Variants in PLS3 observed in about 807,000 individuals in gnomAD.
PLS3 encodes the protein plastin 3.
A neutral mutation model predicts 46.5 loss-of-function variants in PLS3; 11 were observed. The ratio of observed to expected loss-of-function variants is 0.24; its 90% CI spans 0.15 to 0.39. The LOEUF (loss-of-function observed/expected upper bound fraction) is 0.39. PLS3 is among the 10% of genes least tolerant of loss of function. PLS3 has a pLI of 1.00. For synonymous variants in PLS3, 167 were observed against 162.2 expected, an observed-to-expected ratio of 1.03 and a Z score of -0.22; for missense variants, 308 against 461.8, an observed-to-expected ratio of 0.67 and a Z score of 3.05.
intron 1 of PLS3, among the ~76,000 whole-genome samples, chrX:115,580,565 G>A (rs1303222176): frequency 8.9e-6 from 1 of 111,886 alleles, no homozygotes; most frequent in Non-Finnish European, 1.9e-5. Context: ...GATTACTGTA[G>A]CTACATAGTC....
chrX:115,607,201 G>A (rs1031328547), intron 1 of PLS3, among the ~76,000 whole-genome samples: 1 of 110,750 alleles, frequency 9.0e-6, no homozygotes, highest in Non-Finnish European at 1.9e-5. Flanking sequence ...AGTCAAGGTC[G>A]CAGTAAGCCG....
rs782174723 is a variant in PLS3, at chrX:115,585,581, G to A, written c.-9+24321G>A. The stretch of plus-strand genomic sequence containing the variant: ...AATTTTTTGTATTTTTAGTAGAGAC[G>A]GGATTTCACCATGTTGGCCAGGCTG... On this transcript the variant is annotated intron_variant, in intron 1 of 15. Transcript: ENST00000355899. Among the ~76,000 whole-genome samples the A allele has an allele frequency of 5.5e-5, 6 of 110,063 alleles. No individual in the cohort carries two copies. In the East Asian group the frequency reaches 1.2e-3, roughly 21 times the overall value.
At chrX:115,599,377 C>T (rs1271268579) in intron 1 of PLS3, among the ~76,000 whole-genome samples, 1 of 103,512 alleles carries the variant, frequency 9.7e-6, no homozygotes, top group African/African-American at 3.5e-5. Context: ...AAAAATTAGC[C>T]GAGTATGGTG....
chrX:115,564,615 C>T (rs1053167260), intron 1 of PLS3, among the ~76,000 whole-genome samples: 1 of 112,097 alleles, frequency 8.9e-6, no homozygotes. Context: ...TGCCATTATC[C>T]CATATTCTGT....
At chrX:115,578,763 A>G (rs2074264055) in intron 1 of PLS3, among the ~76,000 whole-genome samples, 1 of 110,398 alleles carries the variant, frequency 9.1e-6, no homozygotes, top group Non-Finnish European at 1.9e-5. Context: ...TAATACAAGT[A>G]AATGTTCTTC....
intron 9 of PLS3, among the ~76,000 whole-genome samples, chrX:115,642,877 A>G (rs1403966135): frequency 8.9e-6 from 1 of 111,813 alleles, no homozygotes; most frequent in Non-Finnish European, 1.9e-5. Context: ...AAATTTTAAC[A>G]TAATTCTACT....
Position 115,596,451 on chromosome X carries a change from A to G in PLS3, c.-8-13792A>G, listed in dbSNP as rs1377338923. 1.8e-5 allele frequency among the ~76,000 whole-genome samples: 2 copies of G among 111,782 alleles called. 1 individual carries two copies. Among genetic ancestry groups the G allele is most frequent in the Non-Finnish European group, 3.8e-5 (2 of 53,194 alleles). ...GTGGAGGAGATAGAGAAAGAAATAG[A>G]TGTCATCACGCTGAAAGCTGAAAAG... On this transcript the variant is annotated intron_variant, in intron 1 of 15. Transcript: ENST00000355899.
intron 1 of PLS3, among the ~76,000 whole-genome samples, chrX:115,608,922 A>G (rs2147485501): frequency 9.2e-6 from 1 of 109,052 alleles, no homozygotes; most frequent in Admixed American, 1.0e-4. Flanking sequence ...TTTGCTGTGA[A>G]CCTAAAACTA....
chrX:115,605,063 T>C (rs1010515451), intron 1 of PLS3, among the ~76,000 whole-genome samples: 3 of 112,385 alleles, frequency 2.7e-5, no homozygotes, highest in African/African-American at 6.5e-5. Flanking sequence ...TTATATTTTT[T>C]AGTCTTGGCC....
At chrX:115,648,123 A>C in intron 15 of PLS3, 106 bp downstream of exon 15, 1 of 554,414 alleles carries the variant, frequency 1.8e-6, no homozygotes, top group Non-Finnish European at 3.0e-6. Context: ...CCTTGGGAGA[A>C]ACCTCTTGGA....
intron 1 of PLS3, among the ~76,000 whole-genome samples, chrX:115,577,024 C>T (rs1268225518): frequency 8.9e-6 from 1 of 112,201 alleles, no homozygotes; most frequent in Non-Finnish European, 1.9e-5. Context: ...GTCGCCATCA[C>T]TGGAGACCCA....
intron 3 of PLS3, among the ~76,000 whole-genome samples, chrX:115,627,641 T>C (rs1162212523): frequency 8.9e-6 from 1 of 112,384 alleles, no homozygotes; most frequent in Non-Finnish European, 1.9e-5. Context: ...AGCTCCATAC[T>C]GTTGATACTT....
At chrX:115,633,959 CT>C (rs782298155) in intron 5 of PLS3, 40 bp from the exon 6 acceptor site, 171 of 701,726 alleles carry the variant, frequency 2.4e-4, no homozygotes, top group Non-Finnish European at 3.4e-4. Flanking sequence ...GAAATCAGCT[CT>C]TTTTTTTTAC....
At chrX:115,640,163 G>C in intron 8 of PLS3, 1 of 1,019,879 alleles carries the variant, frequency 9.8e-7, no homozygotes. Flanking sequence ...ATGTTTATTA[G>C]CATTATTGTA....
At chrX:115,601,994 C>T (rs2074449391) in intron 1 of PLS3, among the ~76,000 whole-genome samples, 1 of 111,876 alleles carries the variant, frequency 8.9e-6, no homozygotes, top group African/African-American at 3.3e-5. Context: ...GCGAGTGTGT[C>T]TGTCACTAAC....
chrX:115,595,752 C>T (rs111312788), intron 1 of PLS3, among the ~76,000 whole-genome samples: 3 of 96,813 alleles, frequency 3.1e-5, no homozygotes, highest in East Asian at 3.2e-4. Context: ...TGCAGTGGCA[C>T]GATCTTGGCT....
intron 1 of PLS3, among the ~76,000 whole-genome samples, chrX:115,566,057 A>G (rs1394769331): frequency 1.8e-5 from 2 of 112,275 alleles, no homozygotes; most frequent in Non-Finnish European, 3.8e-5. Context: ...ATTCCAATCT[A>G]CATATTTCAC....
intron 1 of PLS3, chrX:115,562,669 G>C (rs2074147117): frequency 9.0e-6 from 1 of 111,570 alleles, no homozygotes; most frequent in South Asian, 3.8e-4. Context: ...GCCTAAACTT[G>C]ATCCTCGAGA....
chrX:115,624,725 A>G (rs1414454317), intron 3 of PLS3, among the ~76,000 whole-genome samples: 2 of 112,104 alleles, frequency 1.8e-5, no homozygotes, highest in Non-Finnish European at 3.8e-5. Context: ...ACCTTAGTAT[A>G]TTCTTTAAAA....
Sources: gnomAD v4.1 joint callset for allele counts (sites outside exome capture counted in the v4.1 genomes callset) on GRCh38, gnomAD v4.1.1 for gene constraint, MANE v1.5 for transcripts, NCBI Gene and HGNC (gene_info 2026-07-23, HGNC 2026-07-21) for gene names.